Variants in ITK observed in about 807,000 individuals in gnomAD.
The protein encoded by ITK is IL2 inducible T cell kinase.
A neutral mutation model predicts 87.6 loss-of-function variants in ITK; 45 were observed. The observed-to-expected ratio is 0.51, with a 90% confidence interval of 0.40 to 0.66. The LOEUF (loss-of-function observed/expected upper bound fraction) is 0.66. Among genes scored for constraint, ITK ranks in the 30% least tolerant of loss-of-function variants. The pLI is 0.00. For synonymous variants in ITK, 303 were observed against 273.6 expected (o/e 1.11, Z -1.06); for missense variants, 605 against 766.3 (o/e 0.79, Z 2.48).
intron 1 of ITK, 106 bp from the exon 2 acceptor site, chr5:157,208,783 G>C: frequency 1.2e-6 from 1 of 815,642 alleles, no homozygotes; most frequent in Non-Finnish European, 2.1e-6. Context: ...GTTGGAATAG[G>C]TTTAAAAAGC....
intron 1 of ITK, among the ~76,000 whole-genome samples, chr5:157,205,248 T>A (rs1561651338): frequency 6.6e-6 from 1 of 152,198 alleles, no homozygotes; most frequent in African/African-American, 2.4e-5. Context: ...GGAAGTTTAA[T>A]GAATTGCCCA....
Position 157,234,942 on chromosome 5 carries a change from A to T in ITK, c.768+2548A>T, listed in dbSNP as rs558486646. Among the ~76,000 whole-genome samples the T allele has an allele frequency of 3.3e-4, 51 of 152,300 alleles. 1 individual carries two copies. Among genetic ancestry groups the T allele is most frequent in the Non-Finnish European group, 6.8e-4 (46 of 68,038 alleles). On this transcript the variant is annotated intron_variant, in intron 8 of 16. Transcript: ENST00000422843. ...AGAACTTCAAGTATAATAATAATAA[A>T]AAAAGAGATGAATTGATTCATTACA...
chr5:157,247,314 T>C (rs1755039581), intron 15 of ITK, among the ~76,000 whole-genome samples: 1 of 152,182 alleles, frequency 6.6e-6, no homozygotes, highest in South Asian at 2.1e-4. Flanking sequence ...CAGGTTTAAG[T>C]TACAGAATGG....
At chr5:157,204,437 C>T (rs773583703) in intron 1 of ITK, among the ~76,000 whole-genome samples, 4 of 152,088 alleles carry the variant, frequency 2.6e-5, no homozygotes, top group Non-Finnish European at 4.4e-5. Context: ...CAGTGACTCA[C>T]GCCTATAATC....
At chr5:157,223,861 G>A (rs1754478187) in intron 6 of ITK, among the ~76,000 whole-genome samples, 1 of 152,218 alleles carries the variant, frequency 6.6e-6, no homozygotes, top group South Asian at 2.1e-4. Flanking sequence ...TAATTTTAAA[G>A]TATAAAAAAG....
rs765948222 is a variant in ITK at position 157,181,010 on chromosome 5, C to A, written c.33C>A (p.Leu11=). 30 of 1,613,784 alleles carry A rather than the reference C, an allele frequency of 1.9e-5. No individual in the cohort carries two copies. The South Asian group carries it at 3.2e-4, about 17-fold the overall frequency. Residue 11 remains leucine (L), a synonymous_variant, in exon 1 of 17, where the codon CTC becomes CTA. Transcript: ENST00000422843. MNNFILLEEQ[L]IKKSQQKRRT... is the part of the protein sequence containing the mutation. Reference sequence around the variant, plus strand: ...ACTTTATCCTCCTGGAAGAACAGCTCATCAAGAAATCCCAACAAAAGAGAA... The same window carrying A: ...ACTTTATCCTCCTGGAAGAACAGCTAATCAAGAAATCCCAACAAAAGAGAA...
At chr5:157,189,668 A>T (rs1274227872) in intron 1 of ITK, among the ~76,000 whole-genome samples, 1 of 152,172 alleles carries the variant, frequency 6.6e-6, no homozygotes, top group Non-Finnish European at 1.5e-5. Context: ...GCGACACAGC[A>T]AGGTGCTGTC....
chr5:157,195,994 A>G (rs1753849806), intron 1 of ITK: 1 of 152,184 alleles, frequency 6.6e-6, no homozygotes, highest in Non-Finnish European at 1.5e-5. Context: ...ACCAGGGGAC[A>G]TTTGACAAAA....
chr5:157,245,051 C>G (rs137922994), intron 13 of ITK: 173 of 172,050 alleles, frequency 1.0e-3, no homozygotes, highest in African/African-American at 4.0e-3. Flanking sequence ...TGGTGAAACC[C>G]CATCTCTACT....
intron 12 of ITK, 123 bp downstream of exon 12, chr5:157,243,917 T>A: frequency 1.1e-6 from 1 of 886,630 alleles, no homozygotes; most frequent in Non-Finnish European, 1.9e-6. Context: ...AGTGGCTTCC[T>A]ATTGCACAGA....
chr5:157,203,954 G>GATA (rs1754025765), intron 1 of ITK, among the ~76,000 whole-genome samples: 1 of 152,294 alleles, frequency 6.6e-6, no homozygotes, highest in Admixed American at 6.5e-5. Flanking sequence ...GGAAGGGTGG[G>GATA]ATAATAACAC....
At chr5:157,200,405 G>T (rs1227070382) in intron 1 of ITK, among the ~76,000 whole-genome samples, 1 of 152,214 alleles carries the variant, frequency 6.6e-6, no homozygotes, top group Admixed American at 6.5e-5. Context: ...TGGCTTTTGT[G>T]TGGTTTCCTT....
Position 157,232,318 on chromosome 5 carries a change from T to C in ITK, c.714-22T>C, listed in dbSNP as rs377119893. The C allele has an allele frequency of 5.7e-6, 9 of 1,565,640 alleles. No homozygotes were observed. The South Asian group carries it at 8.9e-5, about 15-fold the overall frequency. On this transcript the variant is annotated intron_variant, in intron 7 of 16. Transcript: ENST00000422843. The stretch of plus-strand genomic sequence containing the variant: ...GAAACTTTAAAATATGTCATTGACA[T>C]ATGACTTTTCCTTGCTTTCAGGTGG...
intron 1 of ITK, among the ~76,000 whole-genome samples, chr5:157,189,980 G>A (rs1449053225): frequency 6.6e-6 from 1 of 152,132 alleles, no homozygotes; most frequent in Non-Finnish European, 1.5e-5. Context: ...ACACTCAGAG[G>A]CCTCACTAAA....
rs1011366840 is a variant in ITK at position 157,228,312 on chromosome 5, C to A, written c.664C>A (p.Pro222Thr). ...QDRNGHEGYV[P>T]SSYLVEKSPN... ...TTTTAACAGGCATGAAGGATATGTA[C>A]CAAGCAGTTATCTGGTGGAAAAATC... The change falls in exon 7 of 17, where the codon CCA (proline) becomes ACA (threonine). Residue 222 changes from proline to threonine, a missense_variant. Transcript: ENST00000422843. 1.9e-6 allele frequency: 3 copies of A among 1,601,602 alleles called. No individual in the cohort carries two copies. Among genetic ancestry groups the A allele is most frequent in the Non-Finnish European group, 2.6e-6 (3 of 1,168,976 alleles).
chr5:157,181,502 C>A (rs1753516965), intron 1 of ITK, among the ~76,000 whole-genome samples: 1 of 152,106 alleles, frequency 6.6e-6, no homozygotes, highest in African/African-American at 2.4e-5. Context: ...ATTAATACAA[C>A]ACTAGCATTC....
rs373059304 is a variant in ITK, at chr5:157,200,832, C to T, written c.139-8057C>T. Among the ~76,000 whole-genome samples the T allele has an allele frequency of 4.7e-4, 71 of 152,282 alleles. No homozygotes were observed. In the South Asian group the frequency reaches 0.013, roughly 28 times the overall value. On this transcript the variant is annotated intron_variant, in intron 1 of 16. Transcript: ENST00000422843. ...CTCCTCCTTGGAAATCTTGGAGTCT[C>T]GCTGTCCACTAAGGTAACCACTAGC...
chr5:157,217,757 G>C (rs562106690), intron 4 of ITK, 110 bp from the exon 5 acceptor site: 12 of 909,952 alleles, frequency 1.3e-5, no homozygotes, highest in Admixed American at 5.7e-5. Context: ...CCTTTCTTCT[G>C]TTGTTTTCCC....
intron 5 of ITK, among the ~76,000 whole-genome samples, chr5:157,220,606 G>C (rs778442653): frequency 6.6e-6 from 1 of 152,102 alleles, no homozygotes; most frequent in Non-Finnish European, 1.5e-5. Flanking sequence ...CAGGAGGCAG[G>C]ATCCTCATTC....
Sources: gnomAD v4.1 joint callset for allele counts (sites outside exome capture counted in the v4.1 genomes callset) on GRCh38, gnomAD v4.1.1 for gene constraint, MANE v1.5 for transcripts, NCBI Gene and HGNC (gene_info 2026-07-23, HGNC 2026-07-21) for gene names.